MED13: variants seen among roughly 807,000 people sequenced by gnomAD.
The protein encoded by MED13 is mediator complex subunit 13.
Under a neutral mutation model 225.2 loss-of-function variants are expected in MED13, and 23 were observed. The observed-to-expected ratio is 0.10, with a 90% CI of 0.07 to 0.14. The LOEUF is 0.14. Ranked by LOEUF, MED13 falls within the 10% of genes least tolerant of loss-of-function variation. The pLI is 1.00. For missense variants in MED13, 2,197 were observed against 2,594.5 expected, an observed-to-expected ratio of 0.85 and a Z score of 3.33; for synonymous variants, 942 against 889.2, an observed-to-expected ratio of 1.06 and a Z score of -1.06.
chr17:62,014,234 A>G (rs1035193028), intron 8 of MED13, among the ~76,000 whole-genome samples: 6 of 151,808 alleles, frequency 4.0e-5, no homozygotes, highest in South Asian at 4.1e-4. Context: ...GAGTCTAATC[A>G]AGTAATCAAG....
At chr17:62,043,387 T>C (rs1257381175) in intron 3 of MED13, among the ~76,000 whole-genome samples, 1 of 151,974 alleles carries the variant, frequency 6.6e-6, no homozygotes, top group South Asian at 2.1e-4. Flanking sequence ...GGACAAAACA[T>C]TATAGACAGG....
Position 61,987,053 on chromosome 17 carries a change from T to A in MED13, c.2339A>T (p.Tyr780Phe), listed in dbSNP as rs1262387625. ...LIYDSDLAVSYTDLDNLFNSD... is the reference protein window; with the variant it reads ...LIYDSDLAVSFTDLDNLFNSD... ...ATTGAAGAGATTATCAAGGTCAGTA[T>A]AAGAGACAGCCAGGTCTGAGTCATA... Residue 780 changes from tyrosine (Y) to phenylalanine (F), a missense_variant, in exon 12 of 30, where the codon TAT (tyrosine) becomes TTT (phenylalanine). Around this residue, in one of 12 missense-constraint regions of MED13, gnomAD observed 41 missense variants for 55.8 expected, o/e 0.73. Coordinates refer to ENST00000397786, the MANE Select transcript of MED13 (RefSeq NM_005121.3). The A allele has an allele frequency of 1.9e-6, 3 of 1,607,888 alleles. 1 individual carries two copies. The highest frequency in any genetic ancestry group is 2.2e-5 in the South Asian group (2 of 90,384).
chr17:62,026,047 G>A (rs2080698734), intron 8 of MED13, among the ~76,000 whole-genome samples: 1 of 152,126 alleles, frequency 6.6e-6, no homozygotes, highest in African/African-American at 2.4e-5. Flanking sequence ...CACTCCATTT[G>A]TTTGGTTCAC....
At chr17:61,969,430 C>A (rs2080087863) in intron 17 of MED13, among the ~76,000 whole-genome samples, 1 of 151,942 alleles carries the variant, frequency 6.6e-6, no homozygotes, top group Admixed American at 6.6e-5. Context: ...AATCTCAGCA[C>A]CTTGGGAGAC....
chr17:61,993,439 T>A (rs1265173491), intron 10 of MED13, among the ~76,000 whole-genome samples: 1 of 150,636 alleles, frequency 6.6e-6, no homozygotes, highest in Non-Finnish European at 1.5e-5. Context: ...TGATCTCAGG[T>A]GATCTGCCCG....
chr17:61,956,756 G>C (rs2143317237), intron 23 of MED13, among the ~76,000 whole-genome samples: 1 of 152,138 alleles, frequency 6.6e-6, no homozygotes, highest in East Asian at 1.9e-4. Flanking sequence ...AGCCAGGATG[G>C]TCTCGAGCTC....
At chr17:62,029,121 A>AG (rs763495092) in intron 8 of MED13, among the ~76,000 whole-genome samples, 22 of 152,186 alleles carry the variant, frequency 1.4e-4, no homozygotes, top group Admixed American at 3.9e-4. Flanking sequence ...TGATCACTCC[A>AG]GCCTGGGTAA....
Position 62,063,195 on chromosome 17 carries a change from C to A in MED13, c.173G>T (p.Ser58Ile). Residue 58 changes from serine (S) to isoleucine (I), a missense_variant, in exon 2 of 30, where the codon AGT (serine) becomes ATT (isoleucine). Coordinates refer to ENST00000397786, the MANE Select transcript of MED13 (RefSeq NM_005121.3). ...TEEDPILSSF[S>I]RCLKADVLGV... ...AAGTACATCTGCCTTAAGGCAGCGA[C>A]TAAAACTGCTCAAAATGGGGTCTTC... 6.2e-7 allele frequency: 1 copy of A among 1,614,138 alleles called. No homozygotes were observed. The highest frequency in any genetic ancestry group is 8.5e-7 in the Non-Finnish European group (1 of 1,180,018).
intron 11 of MED13, among the ~76,000 whole-genome samples, chr17:61,991,512 G>GTT (rs2080298543): frequency 6.7e-6 from 1 of 149,560 alleles, no homozygotes; most frequent in South Asian, 2.1e-4. Flanking sequence ...GCTAATTTTT[G>GTT]TTTGTTTGTT....
At chr17:62,039,767 G>T (rs1225416100) in intron 3 of MED13, among the ~76,000 whole-genome samples, 1 of 151,658 alleles carries the variant, frequency 6.6e-6, no homozygotes, top group Non-Finnish European at 1.5e-5. Flanking sequence ...AGTTTTTTTT[G>T]TATTCTTTTA....
chr17:62,019,420 G>T (rs546932756), intron 8 of MED13, among the ~76,000 whole-genome samples: 1 of 152,098 alleles, frequency 6.6e-6, no homozygotes, highest in African/African-American at 2.4e-5. Flanking sequence ...TGCAGTCTTC[G>T]GTAATTTTTT....
At chr17:62,026,711 C>T (rs894122095) in intron 8 of MED13, among the ~76,000 whole-genome samples, 1 of 152,096 alleles carries the variant, frequency 6.6e-6, no homozygotes, top group Non-Finnish European at 1.5e-5. Context: ...CCAAAAGCTC[C>T]TTCAGCTGAT....
chr17:62,036,795 T>C (rs751635255), intron 3 of MED13: 7 of 152,126 alleles, frequency 4.6e-5, no homozygotes, highest in Admixed American at 2.0e-4. Context: ...AAATAGAAAT[T>C]TAAGCATGTT....
chr17:61,951,709 T>A (rs1054837241), intron 27 of MED13, among the ~76,000 whole-genome samples: 1 of 152,000 alleles, frequency 6.6e-6, no homozygotes, highest in African/African-American at 2.4e-5. Context: ...TGCTTAAAAG[T>A]AAAAATGGTT....
intron 18 of MED13, among the ~76,000 whole-genome samples, chr17:61,967,676 G>A (rs759698242): frequency 1.4e-4 from 22 of 152,178 alleles, no homozygotes; most frequent in Non-Finnish European, 2.8e-4. Context: ...GTGAGGCCTA[G>A]TGTCACTACC....
chr17:61,958,505 A>G (rs1266543755), intron 23 of MED13, among the ~76,000 whole-genome samples: 1 of 151,602 alleles, frequency 6.6e-6, no homozygotes, highest in African/African-American at 2.4e-5. Context: ...CACCCAGCTA[A>G]TTTTTGTATT....
chr17:62,033,295 T>C (rs916707347), intron 5 of MED13, among the ~76,000 whole-genome samples: 1 of 152,236 alleles, frequency 6.6e-6, no homozygotes, highest in Non-Finnish European at 1.5e-5. Context: ...TTTTACCAAA[T>C]GTTAAAACAT....
chr17:61,990,650 T>TATATATATATATATATATATAC (rs1491124278), intron 11 of MED13, among the ~76,000 whole-genome samples: 83 of 141,128 alleles, frequency 5.9e-4, no homozygotes, highest in African/African-American at 1.9e-3. Flanking sequence ...TATATATATA[T>TATATATATATATATATATATAC]ACACACTCCC....
intron 12 of MED13, among the ~76,000 whole-genome samples, chr17:61,986,299 G>A (rs1457315504): frequency 1.3e-5 from 2 of 152,150 alleles, no homozygotes; most frequent in Non-Finnish European, 2.9e-5. Context: ...GTTGAGAGAG[G>A]ACTAAATGCA....
Sources: gnomAD v4.1 joint callset for allele counts (sites outside exome capture counted in the v4.1 genomes callset) on GRCh38, gnomAD v4.1.1 for gene constraint, gnomAD v4.1.1 regional missense constraint, MANE v1.5 for transcripts, NCBI Gene and HGNC (gene_info 2026-07-23, HGNC 2026-07-21) for gene names.